CTNNA3: variants seen among roughly 807,000 people sequenced by gnomAD.
The protein encoded by CTNNA3 is catenin alpha-3.
A neutral mutation model predicts 95.7 loss-of-function variants in CTNNA3; 76 were observed. The observed-to-expected ratio is 0.79, with a 90% confidence interval of 0.66 to 0.96. CTNNA3 has a LOEUF of 0.96. Ranked by LOEUF, CTNNA3 falls within the 40% of genes least tolerant of loss-of-function variation. CTNNA3 has a pLI of 0.00. For synonymous variants in CTNNA3, 431 were observed against 374.4 expected (o/e 1.15, Z -1.74); for missense variants, 1,191 against 1,089.8 (o/e 1.09, Z -1.31).
At chr10:67,003,503 T>C (rs576204756) in intron 7 of CTNNA3, among the ~76,000 whole-genome samples, 2 of 152,334 alleles carry the variant, frequency 1.3e-5, no homozygotes, top group East Asian at 3.9e-4. Context: ...TTGCATACTA[T>C]ATTCCCAATC....
chr10:66,605,279 T>C (rs1844078259), intron 10 of CTNNA3, among the ~76,000 whole-genome samples: 2 of 151,970 alleles, frequency 1.3e-5, no homozygotes, highest in South Asian at 4.2e-4. Flanking sequence ...GAAAAGGAAT[T>C]AATAAAACCT....
At chr10:66,985,410 C>T (rs1389215033) in intron 7 of CTNNA3, among the ~76,000 whole-genome samples, 2 of 152,130 alleles carry the variant, frequency 1.3e-5, no homozygotes, top group Non-Finnish European at 2.9e-5. Context: ...GGGTGCCCAA[C>T]AGGAACCTGG....
At chr10:66,540,174 T>A (rs1841800383) in intron 10 of CTNNA3, among the ~76,000 whole-genome samples, 1 of 152,146 alleles carries the variant, frequency 6.6e-6, no homozygotes, top group Admixed American at 6.6e-5. Flanking sequence ...CTATTTAGGA[T>A]GGCAGGACAT....
chr10:67,657,894 CTG>C, intron 1 of CTNNA3, among the ~76,000 whole-genome samples: 1 of 143,042 alleles, frequency 7.0e-6, no homozygotes, highest in South Asian at 2.3e-4. Context: ...AAAAAGAAAA[CTG>C]TGCCACTCTC....
At chr10:66,112,999 T>C (rs1260371633) in intron 13 of CTNNA3, among the ~76,000 whole-genome samples, 1 of 152,168 alleles carries the variant, frequency 6.6e-6, no homozygotes, top group Non-Finnish European at 1.5e-5. Context: ...GAAGTAGGAT[T>C]GCTGGATCAT....
intron 5 of CTNNA3, among the ~76,000 whole-genome samples, chr10:67,347,793 A>G (rs1842484952): frequency 6.7e-6 from 1 of 150,200 alleles, no homozygotes; most frequent in Non-Finnish European, 1.5e-5. Flanking sequence ...AAGAATTTAT[A>G]TGATGCATCA....
intron 11 of CTNNA3, among the ~76,000 whole-genome samples, chr10:66,443,472 G>A (rs1251431005): frequency 6.6e-6 from 1 of 152,014 alleles, no homozygotes; most frequent in African/African-American, 2.4e-5. Context: ...CCAGAGGAAC[G>A]ATCAGGCAGC....
chr10:66,367,441 T>C (rs1427269082), intron 12 of CTNNA3, among the ~76,000 whole-genome samples: 1 of 151,004 alleles, frequency 6.6e-6, no homozygotes, highest in Non-Finnish European at 1.5e-5. Context: ...ATATAATACA[T>C]ACTATACATA....
chr10:66,909,667 G>C (rs1176078368), intron 7 of CTNNA3, among the ~76,000 whole-genome samples: 1 of 152,140 alleles, frequency 6.6e-6, no homozygotes, highest in Non-Finnish European at 1.5e-5. Context: ...GTCAAATAGA[G>C]ACCAAATGGT....
intron 2 of CTNNA3, among the ~76,000 whole-genome samples, chr10:67,609,004 C>T (rs1380220563): frequency 1.4e-5 from 2 of 147,022 alleles, no homozygotes; most frequent in Admixed American, 6.9e-5. Context: ...GCAGGAGAAT[C>T]GCTTGAACCC....
chr10:65,957,528 C>G (rs191880570), intron 17 of CTNNA3, among the ~76,000 whole-genome samples: 2 of 152,076 alleles, frequency 1.3e-5, no homozygotes, highest in Non-Finnish European at 2.9e-5. Flanking sequence ...TGGCTGGTAC[C>G]GGTTGTTCCT....
chr10:67,508,294 G>C (rs2133121421), intron 5 of CTNNA3, among the ~76,000 whole-genome samples: 1 of 152,146 alleles, frequency 6.6e-6, no homozygotes, highest in East Asian at 1.9e-4. Flanking sequence ...TTACAGGTGT[G>C]AGCCACCGTG....
At chr10:66,694,340 G>A (rs1219189954) in intron 9 of CTNNA3, among the ~76,000 whole-genome samples, 4 of 152,086 alleles carry the variant, frequency 2.6e-5, no homozygotes, top group Non-Finnish European at 5.9e-5. Context: ...ACACCTCTAT[G>A]CAAATAAACT....
intron 3 of CTNNA3, among the ~76,000 whole-genome samples, chr10:67,541,364 T>C (rs1257841780): frequency 6.6e-6 from 1 of 152,022 alleles, no homozygotes; most frequent in Non-Finnish European, 1.5e-5. Flanking sequence ...CTGAGTCAGT[T>C]ATTTTATTAA....
intron 1 of CTNNA3, among the ~76,000 whole-genome samples, chr10:67,647,968 C>T (rs1339409628): frequency 6.6e-6 from 1 of 152,080 alleles, no homozygotes; most frequent in Non-Finnish European, 1.5e-5. Context: ...GACATGGGAA[C>T]AAGTAAAGAT....
intron 5 of CTNNA3, among the ~76,000 whole-genome samples, chr10:67,504,565 A>G (rs1839374721): frequency 6.6e-6 from 1 of 152,158 alleles, no homozygotes; most frequent in Admixed American, 6.5e-5. Flanking sequence ...TTGGAGTAGA[A>G]GAAAAATGCA....
chr10:66,398,131 CTCTT>C (rs2092993572), intron 11 of CTNNA3, among the ~76,000 whole-genome samples: 1 of 151,796 alleles, frequency 6.6e-6, no homozygotes, highest in Non-Finnish European at 1.5e-5. Context: ...TGTTTATATT[CTCTT>C]TCTTTTCTTT....
intron 7 of CTNNA3, among the ~76,000 whole-genome samples, chr10:66,951,848 C>G (rs573460025): frequency 6.6e-6 from 1 of 152,122 alleles, no homozygotes; most frequent in Non-Finnish European, 1.5e-5. Flanking sequence ...TCTCACCTGG[C>G]CTGATTAAGT....
chr10:67,593,268 T>C (rs2133351440), intron 3 of CTNNA3, among the ~76,000 whole-genome samples: 1 of 152,318 alleles, frequency 6.6e-6, no homozygotes, highest in South Asian at 2.1e-4. Flanking sequence ...TAAATAGTGC[T>C]GCAGTGAACA....
Sources: allele counts gnomAD v4.1 joint callset (sites outside exome capture counted in the v4.1 genomes callset), GRCh38; gene constraint gnomAD v4.1.1; transcripts MANE v1.5; gene names NCBI Gene and HGNC (gene_info 2026-07-23, HGNC 2026-07-21).